Variants in DGKI observed in about 807,000 individuals in gnomAD.
The protein encoded by DGKI is diacylglycerol kinase iota.
A neutral mutation model predicts 147.5 loss-of-function variants in DGKI; 55 were observed. The ratio of observed to expected loss-of-function variants is 0.37; its 90% CI spans 0.30 to 0.47. DGKI has a LOEUF of 0.47. Among genes scored for constraint, DGKI ranks in the 20% least tolerant of loss-of-function variants. DGKI has a pLI of 1.00. For synonymous variants in DGKI, 469 were observed against 477.1 expected, an observed-to-expected ratio of 0.98 and a Z score of 0.22; for missense variants, 1,007 against 1,323.8, an observed-to-expected ratio of 0.76 and a Z score of 3.71.
At chr7:137,654,846 T>C in intron 4 of DGKI, 58 bp from the exon 5 acceptor site, 1 of 1,117,528 alleles carries the variant, frequency 8.9e-7, no homozygotes, top group Non-Finnish European at 1.3e-6. Flanking sequence ...CTAGACTGAA[T>C]TACCTGAAAA....
At chr7:137,423,821 G>C (rs1812674521) in intron 28 of DGKI, among the ~76,000 whole-genome samples, 1 of 152,090 alleles carries the variant, frequency 6.6e-6, no homozygotes, top group African/African-American at 2.4e-5. Context: ...AATGTCAAGA[G>C]CATACCCTCA....
At chr7:137,802,866 C>G (rs1002221508) in intron 1 of DGKI, among the ~76,000 whole-genome samples, 24 of 152,060 alleles carry the variant, frequency 1.6e-4, no homozygotes, top group South Asian at 2.1e-4. Flanking sequence ...TAACTAATAC[C>G]TACTGATGTT....
At chr7:137,470,115 G>T (rs541787109) in intron 23 of DGKI, among the ~76,000 whole-genome samples, 56 of 152,248 alleles carry the variant, frequency 3.7e-4, no homozygotes, top group Non-Finnish European at 6.9e-4. Flanking sequence ...AATCAACCTC[G>T]CATACTGAGG....
chr7:137,767,247 AAG>A (rs1455216574), intron 1 of DGKI, among the ~76,000 whole-genome samples: 1 of 152,218 alleles, frequency 6.6e-6, no homozygotes, highest in African/African-American at 2.4e-5. Context: ...ATTAGGAAGA[AAG>A]AACTGAAAAA....
chr7:137,386,099 G>A lies in DGKI; in HGVS notation c.*5121C>T, dbSNP rs1585064736. On this transcript the variant is annotated 3_prime_UTR_variant, in exon 33 of 33. Transcript: ENST00000614521. ...GACTCTGGAGTCTATGCATTATGAA[G>A]ATACCATTCAATTTTCACGTTTCTA... The A allele has an allele frequency of 6.6e-6, 1 of 152,088 alleles. No individual in the cohort carries two copies. The highest frequency in any genetic ancestry group is 1.5e-5 in the Non-Finnish European group (1 of 67,984). The allele number at this position is 152,088 out of a possible 1,614,324, so 9.4% of individuals were successfully genotyped here.
At chr7:137,525,942 TG>T (rs972994797) in intron 20 of DGKI, among the ~76,000 whole-genome samples, 2 of 151,804 alleles carry the variant, frequency 1.3e-5, no homozygotes, top group Non-Finnish European at 2.9e-5. Flanking sequence ...CACTTCTGGG[TG>T]CTCTCCCACC....
rs537451539 is a variant in DGKI at position 137,755,207 on chromosome 7, A to G, written c.402-65205T>C. Among the ~76,000 whole-genome samples the G allele has an allele frequency of 8.5e-4, 130 of 152,344 alleles. 1 individual carries two copies. The South Asian group carries it at 0.027, about 32-fold the overall frequency. On this transcript the variant is annotated intron_variant, in intron 1 of 32. Transcript: ENST00000614521. ...GGCATTCATCAGGAATCCTTTTGTT[A>G]CAAGTGGCAAAAACCAATTCAATAT... is the stretch of plus-strand genomic sequence containing the variant.
At chr7:137,571,084 G>A in intron 19 of DGKI, 91 bp downstream of exon 19, 3 of 877,156 alleles carry the variant, frequency 3.4e-6, no homozygotes, top group Non-Finnish European at 5.1e-6. Flanking sequence ...ACTTGATAAA[G>A]CAGGAGAAAA....
At chr7:137,577,116 A>G (rs944604254) in intron 17 of DGKI, 106 bp downstream of exon 17, 2 of 791,854 alleles carry the variant, frequency 2.5e-6, no homozygotes, top group Admixed American at 4.7e-5. Context: ...TGATCTCCAA[A>G]GTTCTATGCA....
At chr7:137,812,872 C>T (rs1342166475) in intron 1 of DGKI, among the ~76,000 whole-genome samples, 1 of 152,106 alleles carries the variant, frequency 6.6e-6, no homozygotes, top group East Asian at 1.9e-4. Flanking sequence ...GAGGCAATAA[C>T]AATACAGGAT....
intron 2 of DGKI, among the ~76,000 whole-genome samples, chr7:137,684,083 A>T (rs891994347): frequency 3.3e-5 from 5 of 152,246 alleles, no homozygotes; most frequent in Admixed American, 3.3e-4. Context: ...TATGTATCCT[A>T]TGTAAATGTC....
rs143356990 is a variant in DGKI at position 137,707,710 on chromosome 7, A to G, written c.402-17708T>C. 2.3e-3 allele frequency among the ~76,000 whole-genome samples: 351 copies of G among 152,328 alleles called. 9 individuals carry two copies. The East Asian group carries it at 0.05, about 22-fold the overall frequency. ...ATTATAAGTTTCCTGAGGCCTCCTC[A>G]GAAGCAGAAGCCACTTTACTTCCTG... On this transcript the variant is annotated intron_variant, in intron 1 of 32. Coordinates refer to ENST00000614521, the MANE Select transcript of DGKI (RefSeq NM_001321708.2).
At chr7:137,638,507 TATATGTGTGTATATATATACAC>T (rs1821446720) in intron 6 of DGKI, among the ~76,000 whole-genome samples, 1 of 119,732 alleles carries the variant, frequency 8.4e-6, no homozygotes, top group Non-Finnish European at 1.7e-5. Context: ...TATATGTATA[TATATGTGTGTATATATATACAC>T]ACACATATAT....
At chr7:137,508,083 T>C (rs1307029099) in intron 21 of DGKI, among the ~76,000 whole-genome samples, 1 of 152,160 alleles carries the variant, frequency 6.6e-6, no homozygotes, top group Admixed American at 6.6e-5. Flanking sequence ...ATTTTTATAC[T>C]AAGAAGTTGA....
intron 20 of DGKI, among the ~76,000 whole-genome samples, chr7:137,548,601 C>T (rs553297376): frequency 1.3e-4 from 20 of 152,278 alleles, no homozygotes; most frequent in South Asian, 4.1e-4. Context: ...TCACCAGAAG[C>T]GAAGCAGATG....
At chr7:137,707,052 A>T (rs1054677434) in intron 1 of DGKI, among the ~76,000 whole-genome samples, 1 of 152,038 alleles carries the variant, frequency 6.6e-6, no homozygotes, top group African/African-American at 2.4e-5. Flanking sequence ...ATCCTTCCTA[A>T]CAGTCTCCCC....
intron 1 of DGKI, among the ~76,000 whole-genome samples, chr7:137,725,645 A>G (rs1196541284): frequency 1.3e-5 from 2 of 152,032 alleles, no homozygotes; most frequent in Non-Finnish European, 2.9e-5. Context: ...TATAAAATGC[A>G]AATAGATTTA....
At chr7:137,745,027 A>G (rs1056976977) in intron 1 of DGKI, among the ~76,000 whole-genome samples, 1 of 152,192 alleles carries the variant, frequency 6.6e-6, no homozygotes, top group African/African-American at 2.4e-5. Context: ...GGATCATTAG[A>G]AGCCCAAATC....
intron 1 of DGKI, among the ~76,000 whole-genome samples, chr7:137,836,994 G>A (rs1585553191): frequency 6.6e-6 from 1 of 152,182 alleles, no homozygotes; most frequent in South Asian, 2.1e-4. Flanking sequence ...CACAGAGAGG[G>A]TAATGGGAAA....
Sources: gnomAD v4.1 joint callset for allele counts (sites outside exome capture counted in the v4.1 genomes callset) on GRCh38, gnomAD v4.1.1 for gene constraint, MANE v1.5 for transcripts, NCBI Gene and HGNC (gene_info 2026-07-23, HGNC 2026-07-21) for gene names.